RBM33: variants seen among roughly 807,000 people sequenced by gnomAD.
The protein encoded by RBM33 is RNA-binding protein 33.
RBM33 carries 28 observed loss-of-function variants against 132.6 expected under a neutral mutation model. The ratio of observed to expected loss-of-function variants is 0.21; its 90% CI spans 0.16 to 0.29. The LOEUF is 0.29. RBM33 is among the 10% of genes least tolerant of loss of function. RBM33 has a pLI of 1.00. For synonymous variants in RBM33, 634 were observed against 593.0 expected (o/e 1.07, Z -1.01); for missense variants, 1,291 against 1,518.5 (o/e 0.85, Z 2.49).
At chr7:155,673,763 T>TATATACATACACACGTGTATATAC (rs1799062311) in intron 3 of RBM33, among the ~76,000 whole-genome samples, 4 of 39,308 alleles carry the variant, frequency 1.0e-4, no homozygotes, top group African/African-American at 2.6e-4. Flanking sequence ...TACGCGCGCA[T>TATATACATACACACGTGTATATAC]GCGCGCACAC....
chr7:155,728,861 T>C (rs1800871153), intron 9 of RBM33, among the ~76,000 whole-genome samples: 1 of 152,254 alleles, frequency 6.6e-6, no homozygotes, highest in African/African-American at 2.4e-5. Flanking sequence ...TCTGCCACTT[T>C]CTAACCGTAT....
chr7:155,681,031 C>T (rs767697135), intron 5 of RBM33, 123 bp downstream of exon 5: 57 of 736,026 alleles, frequency 7.7e-5, no homozygotes, highest in Non-Finnish European at 1.0e-4. Flanking sequence ...TATTATCACT[C>T]TCTGCCAGTT....
chr7:155,674,526 A>G (rs1799123928), intron 3 of RBM33, among the ~76,000 whole-genome samples: 1 of 152,218 alleles, frequency 6.6e-6, no homozygotes. Context: ...GCCTCATGTC[A>G]TGGTTTGCCC....
chr7:155,731,114 G>C (rs1356932595), intron 9 of RBM33, among the ~76,000 whole-genome samples: 1 of 152,216 alleles, frequency 6.6e-6, no homozygotes, highest in Non-Finnish European at 1.5e-5. Context: ...AACCTTGGTT[G>C]ACTCTCCGCT....
At chr7:155,680,995 CCTGGG>C in intron 5 of RBM33, 87 bp downstream of exon 5, 2 of 1,090,768 alleles carry the variant, frequency 1.8e-6, no homozygotes, top group Non-Finnish European at 2.6e-6. Context: ...ATTTACCTCC[CCTGGG>C]AGGGAGGGGA....
intron 2 of RBM33, among the ~76,000 whole-genome samples, chr7:155,668,673 A>C (rs1008836437): frequency 1.3e-5 from 2 of 152,234 alleles, no homozygotes; most frequent in African/African-American, 4.8e-5. Context: ...GAGATTACAT[A>C]GAAAAGACAG....
In RBM33 at chr7:155,780,778, T is replaced by TCCCACTCCATC. The variant is rs1554490907; in HGVS notation, c.*5737_*5738insCCCACTCCATC. The TCCCACTCCATC allele has an allele frequency of 1.0e-5, 1 of 100,284 alleles. No homozygotes were observed. Among genetic ancestry groups the TCCCACTCCATC allele is most frequent in the South Asian group, 4.2e-4 (1 of 2,382 alleles). 6.2% of individuals were successfully genotyped at this position (100,284 alleles called of 1,614,324 possible). On this transcript the variant is annotated 3_prime_UTR_variant, in exon 18 of 18. Transcript: ENST00000401878. ...GTGCTGACGATTTTCACACTGTGTT[T>TCCCACTCCATC]ACCACTCCATCACCTCTCAACCTTT...
intron 9 of RBM33, among the ~76,000 whole-genome samples, chr7:155,725,200 GTTGTTT>G (rs1432922041): frequency 1.1e-5 from 1 of 93,378 alleles, no homozygotes; most frequent in Non-Finnish European, 2.0e-5. Context: ...TCCTTTTTTA[GTTGTTT>G]TTTTTTTTTT....
intron 8 of RBM33, among the ~76,000 whole-genome samples, chr7:155,713,932 G>A (rs1563156702): frequency 1.3e-5 from 2 of 152,074 alleles, no homozygotes; most frequent in Non-Finnish European, 2.9e-5. Context: ...GCAGATGGAT[G>A]GGCAGGTGGA....
At chr7:155,701,199 G>C (rs1316967156) in intron 6 of RBM33, 4 of 546,870 alleles carry the variant, frequency 7.3e-6, no homozygotes, top group Admixed American at 3.4e-5. Context: ...TTTTGAGTCT[G>C]TGGCCTACAG....
At chr7:155,673,940 G>GTTGTTTGTTTT in intron 3 of RBM33, among the ~76,000 whole-genome samples, 1 of 54,214 alleles carries the variant, frequency 1.8e-5, no homozygotes, top group Non-Finnish European at 3.2e-5. Context: ...TTTAGGCTTA[G>GTTGTTTGTTTT]TTTTTTTTTT....
chr7:155,696,532 C>G (rs1230575821), intron 5 of RBM33, among the ~76,000 whole-genome samples: 1 of 152,088 alleles, frequency 6.6e-6, no homozygotes. Context: ...AGTATGCTAG[C>G]TGTACGTTTT....
At chr7:155,771,786 C>T (rs1802434698) in intron 16 of RBM33, among the ~76,000 whole-genome samples, 1 of 152,074 alleles carries the variant, frequency 6.6e-6, no homozygotes, top group South Asian at 2.1e-4. Context: ...GGCTGGAGTG[C>T]AGTGGTATGA....
At chr7:155,687,475 C>G (rs200538247) in intron 5 of RBM33, among the ~76,000 whole-genome samples, 145 of 152,196 alleles carry the variant, frequency 9.5e-4, no homozygotes, top group Non-Finnish European at 1.3e-3. Flanking sequence ...AAGCTCTTTA[C>G]TTTAATTAGA....
intron 5 of RBM33, among the ~76,000 whole-genome samples, chr7:155,694,389 A>G (rs529930081): frequency 2.0e-5 from 3 of 152,326 alleles, no homozygotes; most frequent in East Asian, 1.9e-4. Context: ...TAGTTTTGGC[A>G]TGTGTAGAGG....
intron 1 of RBM33, among the ~76,000 whole-genome samples, chr7:155,653,347 C>T (rs1014983091): frequency 3.3e-5 from 5 of 152,124 alleles, no homozygotes; most frequent in Non-Finnish European, 7.4e-5. Context: ...TTCTGGTGGA[C>T]ATGCCCTTTT....
intron 5 of RBM33, among the ~76,000 whole-genome samples, chr7:155,699,487 A>G (rs1799897014): frequency 6.6e-6 from 1 of 152,206 alleles, no homozygotes; most frequent in East Asian, 1.9e-4. Flanking sequence ...CCTTGCAGGC[A>G]TCCATTCTGA....
chr7:155,709,045 G>A (rs1056269385), intron 7 of RBM33, among the ~76,000 whole-genome samples: 8 of 151,726 alleles, frequency 5.3e-5, no homozygotes, highest in African/African-American at 1.9e-4. Context: ...GGCATCACAC[G>A]GTCTCTTTGT....
In RBM33 at chr7:155,775,051, A is replaced by C. The variant is rs1340552387; in HGVS notation, c.*10A>C. The C allele has an allele frequency of 6.2e-7, 1 of 1,611,400 alleles. No individual in the cohort carries two copies. The highest frequency in any genetic ancestry group is 1.3e-5 in the African/African-American group (1 of 74,864). The stretch of plus-strand genomic sequence containing the variant: ...CCTGATCGTGGAGTGAGTCCTAACA[A>C]GAGAGCCTGACCTTAGGCTGTACAC... On this transcript the variant is annotated 3_prime_UTR_variant, in exon 18 of 18. Transcript: ENST00000401878.
Sources: gnomAD v4.1 joint callset for allele counts (sites outside exome capture counted in the v4.1 genomes callset) on GRCh38, gnomAD v4.1.1 for gene constraint, MANE v1.5 for transcripts, NCBI Gene and HGNC (gene_info 2026-07-23, HGNC 2026-07-21) for gene names.